Variants in CACNA2D4 observed in about 807,000 individuals in gnomAD.
CACNA2D4 encodes the protein voltage-dependent calcium channel subunit alpha-2/delta-4.
CACNA2D4 carries 157 observed loss-of-function variants against 163.8 expected under a neutral mutation model. That is an observed-to-expected ratio of 0.96 (90% CI 0.84 to 1.09). The LOEUF (loss-of-function observed/expected upper bound fraction) is 1.09. Ranked by LOEUF, CACNA2D4 falls within the 50% of genes least tolerant of loss-of-function variation. The pLI is 0.00. For synonymous variants in CACNA2D4, 598 were observed against 586.9 expected (o/e 1.02, Z -0.27); for missense variants, 1,410 against 1,479.9 (o/e 0.95, Z 0.78).
chr12:1,796,161 G>T (rs1863119138), intron 35 of CACNA2D4, among the ~76,000 whole-genome samples: 1 of 152,220 alleles, frequency 6.6e-6, no homozygotes, highest in South Asian at 2.1e-4. Context: ...GCAGGCCCGG[G>T]CGAAGCGGCA....
chr12:1,846,502 C>A lies in CACNA2D4; in HGVS notation c.2342+92G>T, dbSNP rs7138458. 781,521 of 1,015,122 alleles carry A rather than the reference C, an allele frequency of 0.77. 303,091 individuals carry two copies. The highest frequency in any genetic ancestry group is 0.79 in the Non-Finnish European group (538,202 of 682,116). 62.9% of individuals were successfully genotyped at this position (1,015,122 alleles called of 1,614,324 possible). A position where few individuals can be genotyped will look rare whatever the true frequency, so the allele number is the denominator to read the frequency against. On this transcript the variant is annotated intron_variant, in intron 24 of 37. Transcript: ENST00000382722. ...GGTCCAGCATGCTGGAGACCCGGTG[C>A]CAGTCCACCCATGGCCCAGGAACAC...
At chr12:1,821,421 G>T (rs926662114) in intron 26 of CACNA2D4, among the ~76,000 whole-genome samples, 4 of 152,228 alleles carry the variant, frequency 2.6e-5, no homozygotes, top group African/African-American at 9.6e-5. Flanking sequence ...ACTCAGCTGT[G>T]CATGAAGCCT....
At chr12:1,912,679 G>A (rs1434492282) in intron 3 of CACNA2D4, among the ~76,000 whole-genome samples, 1 of 152,204 alleles carries the variant, frequency 6.6e-6, no homozygotes. Context: ...ATTCCTAGGT[G>A]CTCACCCCGT....
chr12:1,885,156 G>A, intron 9 of CACNA2D4, 80 bp from the exon 10 acceptor site: 1 of 1,084,028 alleles, frequency 9.2e-7, no homozygotes, highest in Non-Finnish European at 1.4e-6. Flanking sequence ...TAATTTGGGA[G>A]GCTGTTTAGG....
intron 19 of CACNA2D4, among the ~76,000 whole-genome samples, 152 bp from the exon 20 acceptor site, chr12:1,858,796 G>A (rs903299644): frequency 2.0e-5 from 3 of 152,094 alleles, no homozygotes; most frequent in Admixed American, 6.5e-5. Context: ...TTTACCTCTG[G>A]CCTCACAGCC....
chr12:1,804,796 C>T (rs577934785), intron 29 of CACNA2D4, among the ~76,000 whole-genome samples: 2 of 152,276 alleles, frequency 1.3e-5, no homozygotes, highest in Admixed American at 1.3e-4. Flanking sequence ...GCCCCTCCAG[C>T]TATGCTGGGA....
intron 6 of CACNA2D4, among the ~76,000 whole-genome samples, chr12:1,899,266 G>A (rs1351347300): frequency 1.3e-5 from 2 of 151,964 alleles, no homozygotes; most frequent in Non-Finnish European, 2.9e-5. Flanking sequence ...AAGAAGTCAG[G>A]AGGAGGAACA....
intron 18 of CACNA2D4, among the ~76,000 whole-genome samples, chr12:1,871,036 TGTGTGTGTATAC>T (rs1417918811): frequency 6.6e-6 from 1 of 152,168 alleles, no homozygotes; most frequent in East Asian, 1.9e-4. Context: ...GCCGCTGGTG[TGTGTGTGTATAC>T]GTGTGTGTTG....
intron 2 of CACNA2D4, among the ~76,000 whole-genome samples, chr12:1,914,380 G>A (rs1371896821): frequency 6.6e-6 from 1 of 152,160 alleles, no homozygotes; most frequent in Non-Finnish European, 1.5e-5. Flanking sequence ...TTAAGGGGGC[G>A]GATGCTGGAC....
chr12:1,876,462 C>A (rs1343524926), intron 16 of CACNA2D4, among the ~76,000 whole-genome samples: 1 of 152,124 alleles, frequency 6.6e-6, no homozygotes, highest in Non-Finnish European at 1.5e-5. Context: ...AGTTTATTAA[C>A]CCCAATCAAA....
intron 6 of CACNA2D4, among the ~76,000 whole-genome samples, chr12:1,903,184 T>G (rs77548356): frequency 4.3e-4 from 65 of 152,056 alleles, no homozygotes; most frequent in African/African-American, 1.5e-3. Context: ...GAAACTAGAC[T>G]CCTATCGCTC....
chr12:1,828,237 G>A lies in CACNA2D4; in HGVS notation c.2551+12502C>T. ...TCCTGTGAGTACACCCCTGGCCTCG[G>A]AGGGGGGTGCGGGTTGGGTGGGGGT... On this transcript the variant is annotated intron_variant, in intron 26 of 37. Coordinates refer to ENST00000382722, the MANE Select transcript of CACNA2D4 (RefSeq NM_172364.5). The surrounding 1 kb of genome is among the most constrained non-coding windows in gnomAD (Gnocchi z 4.2). 1 of 1,534,004 alleles carries A rather than the reference G, an allele frequency of 6.5e-7. No individual in the cohort carries two copies. Among genetic ancestry groups the A allele is most frequent in the Admixed American group, 2.0e-5 (1 of 49,352 alleles).
At chr12:1,816,755 T>C (rs915440209) in intron 26 of CACNA2D4, among the ~76,000 whole-genome samples, 4 of 152,202 alleles carry the variant, frequency 2.6e-5, no homozygotes, top group African/African-American at 4.8e-5. Context: ...CACACACACA[T>C]ACATGCACAC....
intron 18 of CACNA2D4, among the ~76,000 whole-genome samples, chr12:1,871,245 G>GGT (rs1865768951): frequency 6.7e-6 from 1 of 148,458 alleles, no homozygotes; most frequent in Non-Finnish European, 1.5e-5. Flanking sequence ...ATGTGCTGCT[G>GGT]GTGTGTGTAC....
chr12:1,862,604 G>T (rs1865548628), intron 18 of CACNA2D4, among the ~76,000 whole-genome samples: 1 of 152,106 alleles, frequency 6.6e-6, no homozygotes, highest in Non-Finnish European at 1.5e-5. Flanking sequence ...GTAGAGACGG[G>T]GTTTCATTAT....
intron 23 of CACNA2D4, among the ~76,000 whole-genome samples, chr12:1,849,648 G>A (rs1865229995): frequency 6.6e-6 from 1 of 152,160 alleles, no homozygotes; most frequent in Admixed American, 6.5e-5. Flanking sequence ...GGCCTATTCA[G>A]GGGAGTCTGT....
rs777610212 is a variant in CACNA2D4, at chr12:1,828,238, AG to A, written c.2551+12500del. 3.6e-4 allele frequency: 483 copies of A among 1,331,378 alleles called. No homozygotes were observed. Among genetic ancestry groups the A allele is most frequent in the African/African-American group, 9.2e-4 (63 of 68,630 alleles). 82.5% of individuals were successfully genotyped at this position (1,331,378 alleles called of 1,614,324 possible). On this transcript the variant is annotated intron_variant, in intron 26 of 37. Transcript: ENST00000382722. This position sits in a 1 kb window ranked among gnomAD's most constrained non-coding sequence, Gnocchi z 4.2. Reference sequence around the variant, plus strand: ...CCTGTGAGTACACCCCTGGCCTCGGAGGGGGGTGCGGGTTGGGTGGGGGTGC... The same window carrying A: ...CCTGTGAGTACACCCCTGGCCTCGGAGGGGGTGCGGGTTGGGTGGGGGTGC...
At chr12:1,871,655 C>T (rs1393539312) in intron 18 of CACNA2D4, among the ~76,000 whole-genome samples, 2 of 144,372 alleles carry the variant, frequency 1.4e-5, no homozygotes, top group African/African-American at 2.6e-5. Flanking sequence ...TGTGTGTACA[C>T]GTGTGTGCTG....
At position 1,846,939 on chromosome 12, in the gene CACNA2D4, G is replaced by GA. The variant is rs920975235; in HGVS notation, c.2247-251_2247-250insT. 9.8e-5 allele frequency among the ~76,000 whole-genome samples: 15 copies of GA among 152,350 alleles called. 1 individual carries two copies. The highest frequency in any genetic ancestry group is 7.8e-4 in the Admixed American group (12 of 15,312). On this transcript the variant is annotated intron_variant, in intron 23 of 37. Transcript: ENST00000382722. ...TGAAGCCCTGGGCCTCTGCCTCTCT[G>GA]CCTCGGCAGATCTAGCTCTTAATTT...
Sources: gnomAD v4.1 joint callset for allele counts (sites outside exome capture counted in the v4.1 genomes callset) on GRCh38, gnomAD v4.1.1 for gene constraint, Gnocchi (gnomAD v3.1) non-coding constraint, MANE v1.5 for transcripts, NCBI Gene and HGNC (gene_info 2026-07-23, HGNC 2026-07-21) for gene names.